The following BLTP1 variants were observed in gnomAD, a reference collection of about 807,000 sequenced individuals.
BLTP1 encodes bridge-like lipid transfer protein family member 1.
the BLTP1 span, chr4:122,256,640 G>A: frequency 1.3e-5 from 2 of 153,358 alleles, no homozygotes; most frequent in Non-Finnish European, 2.9e-5. Context: ...CTAAGGCAAG[G>A]TAATTAGACT....
At chr4:122,182,764 T>C in the BLTP1 span, 12 of 985,282 alleles carry the variant, frequency 1.2e-5, no homozygotes, top group East Asian at 1.2e-3. Flanking sequence ...TCTCCTTTAA[T>C]TGTAATTGTT....
chr4:122,211,185 G>A, the BLTP1 span: 1 of 1,160,744 alleles, frequency 8.6e-7, no homozygotes, highest in Admixed American at 2.2e-5. Flanking sequence ...GAAATAGCCA[G>A]TTGGATTATT....
At chr4:122,353,680 T>G in the BLTP1 span, 1 of 1,087,668 alleles carries the variant, frequency 9.2e-7, no homozygotes, top group South Asian at 2.0e-5. This position sits in a 1 kb window ranked among gnomAD's most constrained non-coding sequence, Gnocchi z 4.3. Flanking sequence ...TATTTGGTTT[T>G]TATCCTCATT....
chr4:122,361,799 C>T, the BLTP1 span, among the ~76,000 whole-genome samples: 2 of 152,092 alleles, frequency 1.3e-5, no homozygotes, highest in Admixed American at 6.5e-5. Context: ...ATATAGTAAA[C>T]ACTATTGCTG....
At chr4:122,286,772 G>A in the BLTP1 span, 7 of 1,610,638 alleles carry the variant, frequency 4.3e-6, no homozygotes, top group South Asian at 1.1e-5. Flanking sequence ...AATTATCTGC[G>A]TTGTGTGGCA....
the BLTP1 span, among the ~76,000 whole-genome samples, chr4:122,171,033 G>T: frequency 6.6e-6 from 1 of 152,046 alleles, no homozygotes; most frequent in East Asian, 1.9e-4. Flanking sequence ...CCAACTTCTC[G>T]ACTCAACACA....
the BLTP1 span, among the ~76,000 whole-genome samples, chr4:122,302,916 T>C: frequency 6.6e-6 from 1 of 152,196 alleles, no homozygotes; most frequent in African/African-American, 2.4e-5. Flanking sequence ...ACTTGGAAGC[T>C]AGCAGAGATT....
the BLTP1 span, chr4:122,237,482 C>A: frequency 3.4e-6 from 2 of 586,464 alleles, no homozygotes; most frequent in African/African-American, 2.0e-5. Context: ...TCCCTGTCAA[C>A]ATTGAACTTT....
chr4:122,292,314 A>C, the BLTP1 span: 1 of 921,468 alleles, frequency 1.1e-6, no homozygotes, highest in Non-Finnish European at 1.3e-6. Context: ...ATGAACAGAC[A>C]CAAAGCCATT....
At chr4:122,170,673 T>C in the BLTP1 span, 1 of 1,591,554 alleles carries the variant, frequency 6.3e-7, no homozygotes, top group Non-Finnish European at 8.6e-7. Flanking sequence ...AATGAGAGTA[T>C]TGTTCCTAGT....
the BLTP1 span, chr4:122,243,805 T>C: frequency 1.4e-6 from 2 of 1,429,628 alleles, no homozygotes; most frequent in South Asian, 3.4e-5. Flanking sequence ...AGCTCCAACT[T>C]CTAATTCATG....
chr4:122,188,770 T>G, the BLTP1 span, among the ~76,000 whole-genome samples: 1 of 152,130 alleles, frequency 6.6e-6, no homozygotes, highest in Non-Finnish European at 1.5e-5. Flanking sequence ...ATACTCTGGT[T>G]GAATTTAAGT....
At chr4:122,355,860 T>C in the BLTP1 span, 2 of 1,612,888 alleles carry the variant, frequency 1.2e-6, no homozygotes, top group Non-Finnish European at 8.5e-7. Context: ...TGAAGAATTC[T>C]AGTTTGTTGA....
chr4:122,196,134 A>C, the BLTP1 span, among the ~76,000 whole-genome samples: 2 of 152,192 alleles, frequency 1.3e-5, no homozygotes, highest in Non-Finnish European at 2.9e-5. Context: ...ATTTAAAGTG[A>C]TTATGAAACT....
At chr4:122,188,036 GTTC>G in the BLTP1 span, 1 of 1,583,492 alleles carries the variant, frequency 6.3e-7, no homozygotes, top group East Asian at 2.3e-5. Flanking sequence ...GCTTGAAAAT[GTTC>G]GAGTCATGCT....
chr4:122,279,819 G>A, the BLTP1 span: 1 of 1,613,856 alleles, frequency 6.2e-7, no homozygotes, highest in African/African-American at 1.3e-5. Flanking sequence ...GCCCTCTACA[G>A]TGCCCAAAGA....
At chr4:122,154,854 A>G in the BLTP1 span, 1 of 444,474 alleles carries the variant, frequency 2.2e-6, no homozygotes, top group Non-Finnish European at 3.0e-6. Flanking sequence ...CCTGGGCGAC[A>G]GAGCGAGACT....
chr4:122,318,184 A>G, the BLTP1 span: 1 of 1,608,498 alleles, frequency 6.2e-7, no homozygotes, highest in African/African-American at 1.3e-5. Context: ...AAACCAGGAA[A>G]TTCAACGTTA....
chr4:122,286,877 G>C, the BLTP1 span: 2 of 1,065,382 alleles, frequency 1.9e-6, no homozygotes, highest in Non-Finnish European at 2.7e-6. Context: ...AAACTTTTAA[G>C]GTAAAGTCTT....
Sources: allele counts gnomAD v4.1 joint callset (sites outside exome capture counted in the v4.1 genomes callset), GRCh38; gene constraint gnomAD v4.1.1; non-coding constraint Gnocchi (gnomAD v3.1); transcripts MANE v1.5; gene names NCBI Gene and HGNC (gene_info 2026-07-23, HGNC 2026-07-21).